The following MGAT4D variants were observed in gnomAD, a reference collection of about 807,000 sequenced individuals.
The protein encoded by MGAT4D is alpha-1,3-mannosyl-glycoprotein 4-beta-N-acetylglucosaminyltransferase-like protein MGAT4D.
Under a neutral mutation model 15.9 loss-of-function variants are expected in MGAT4D, and 34 were observed. The ratio of observed to expected loss-of-function variants is 2.14; its 90% CI spans 1.62 to 2.84. MGAT4D has a LOEUF of 2.84. Among genes scored for constraint, MGAT4D ranks in the 30% most tolerant of loss-of-function variants. The pLI is 0.00. For missense variants in MGAT4D, 327 were observed against 140.2 expected (o/e 2.33, Z -6.73); for synonymous variants, 112 against 48.2 (o/e 2.33, Z -5.49).
At chr4:140,446,892 T>C (rs1334203814) in intron 10 of MGAT4D, among the ~76,000 whole-genome samples, 1 of 151,762 alleles carries the variant, frequency 6.6e-6, no homozygotes, top group Non-Finnish European at 1.5e-5. Flanking sequence ...CCAGAAATTC[T>C]GGTATGTTTT....
At chr4:140,451,284 C>T (rs1730457560) in intron 10 of MGAT4D, 126 bp downstream of exon 10, 1 of 394,346 alleles carries the variant, frequency 2.5e-6, no homozygotes, top group African/African-American at 2.1e-5. Context: ...ACAGTACTGT[C>T]ATAAGATGAA....
chr4:140,471,205 C>T (rs948475191), intron 5 of MGAT4D, among the ~76,000 whole-genome samples: 1 of 151,902 alleles, frequency 6.6e-6, no homozygotes, highest in Non-Finnish European at 1.5e-5. Context: ...CTTTTCCTTT[C>T]GTTTCTCCTT....
At chr4:140,481,616 G>C (rs368910648) in intron 2 of MGAT4D, among the ~76,000 whole-genome samples, 2 of 152,112 alleles carry the variant, frequency 1.3e-5, no homozygotes, top group Admixed American at 1.3e-4. Flanking sequence ...TCGATACAAC[G>C]AAATGCTACT....
At chr4:140,471,045 C>T (rs1361687998) in intron 5 of MGAT4D, among the ~76,000 whole-genome samples, 1 of 151,920 alleles carries the variant, frequency 6.6e-6, no homozygotes, top group Non-Finnish European at 1.5e-5. Flanking sequence ...CCACCAGGCT[C>T]GGCTTAATTT....
chr4:140,447,766 T>C (rs1372277930), intron 10 of MGAT4D, among the ~76,000 whole-genome samples: 2 of 152,118 alleles, frequency 1.3e-5, no homozygotes, highest in Admixed American at 6.5e-5. Context: ...CTGGTTATTA[T>C]GCAAACCTGT....
At chr4:140,464,060 C>A (rs1025972284) in intron 6 of MGAT4D, among the ~76,000 whole-genome samples, 6 of 152,118 alleles carry the variant, frequency 3.9e-5, no homozygotes, top group African/African-American at 1.4e-4. Context: ...GAAGGAAAAA[C>A]AAAGATCCAG....
chr4:140,483,003 C>T (rs147583739), intron 1 of MGAT4D, among the ~76,000 whole-genome samples: 5 of 152,282 alleles, frequency 3.3e-5, no homozygotes, highest in African/African-American at 1.2e-4. Context: ...AAATAAATTA[C>T]AGAATATTCT....
intron 1 of MGAT4D, among the ~76,000 whole-genome samples, chr4:140,493,630 C>T (rs991068538): frequency 6.6e-6 from 1 of 152,088 alleles, no homozygotes; most frequent in East Asian, 1.9e-4. Flanking sequence ...TTTTATCATA[C>T]TTATGGATGT....
rs1369273447 is a variant in MGAT4D at position 140,451,527 on chromosome 4, A to T, written c.1009-10T>A. On this transcript the variant is annotated splice_polypyrimidine_tract_variant and intron_variant, in intron 9 of 10. Coordinates refer to ENST00000511113, the MANE Select transcript of MGAT4D (RefSeq NM_001277353.2). Reference sequence around the variant, plus strand: ...GTTTCATACAGTTTCTCTGGGGAAAAAGAAACAACAATCTTCTGTAAAAAC... The same window carrying T: ...GTTTCATACAGTTTCTCTGGGGAAATAGAAACAACAATCTTCTGTAAAAAC... 1.9e-6 allele frequency: 1 copy of T among 525,274 alleles called. No homozygotes were observed. The highest frequency in any genetic ancestry group is 3.5e-6 in the Non-Finnish European group (1 of 289,554). The allele number at this position is 525,274 out of a possible 1,614,324, so 32.5% of individuals were successfully genotyped here. A position where few individuals can be genotyped will look rare whatever the true frequency, so the allele number is the denominator to read the frequency against.
intron 10 of MGAT4D, among the ~76,000 whole-genome samples, chr4:140,447,308 T>C (rs1413870991): frequency 6.6e-6 from 1 of 152,182 alleles, no homozygotes; most frequent in Non-Finnish European, 1.5e-5. Context: ...CAGTGGGGTA[T>C]TAAAGTCTCC....
intron 5 of MGAT4D, among the ~76,000 whole-genome samples, chr4:140,468,590 G>A (rs1731704090): frequency 1.3e-5 from 2 of 152,098 alleles, no homozygotes; most frequent in Admixed American, 1.3e-4. Context: ...CTAAATAGTA[G>A]TTTATTGTTC....
intron 1 of MGAT4D, among the ~76,000 whole-genome samples, chr4:140,493,933 G>C (rs1220949604): frequency 6.6e-6 from 1 of 152,212 alleles, no homozygotes; most frequent in East Asian, 1.9e-4. Context: ...AGTGGCCAGA[G>C]GCAAGAGTAG....
At chr4:140,463,271 G>A (rs564479545) in intron 6 of MGAT4D, among the ~76,000 whole-genome samples, 28 of 152,306 alleles carry the variant, frequency 1.8e-4, no homozygotes, top group Admixed American at 4.6e-4. Context: ...GAACTGGGGA[G>A]GGGTCACAGG....
At chr4:140,481,197 T>A (rs1732701259) in intron 2 of MGAT4D, among the ~76,000 whole-genome samples, 1 of 151,340 alleles carries the variant, frequency 6.6e-6, no homozygotes, top group Non-Finnish European at 1.5e-5. Context: ...CCCAGCTACT[T>A]GGGAGACTGA....
chr4:140,460,964 C>G (rs1731134467), intron 7 of MGAT4D, among the ~76,000 whole-genome samples: 1 of 152,142 alleles, frequency 6.6e-6, no homozygotes, highest in Non-Finnish European at 1.5e-5. Flanking sequence ...AAAAAGCAAC[C>G]AGCACTCTCA....
rs533370050 is a variant in MGAT4D at position 140,475,258 on chromosome 4, T to C, written c.392-312A>G. Among the ~76,000 whole-genome samples, 6 of 152,198 alleles carry C rather than the reference T, an allele frequency of 3.9e-5. No individual in the cohort carries two copies. The East Asian group carries it at 1.2e-3, about 29-fold the overall frequency. The stretch of plus-strand genomic sequence containing the variant: ...CTTACTATAGGTTCATCTAACTGAG[T>C]ATAAAATGTCACATATTGGTCGATT... On this transcript the variant is annotated intron_variant, in intron 3 of 10. Transcript: ENST00000511113.
intron 10 of MGAT4D, among the ~76,000 whole-genome samples, chr4:140,450,451 GTTACATTTTCA>G (rs1382730227): frequency 6.6e-6 from 1 of 152,180 alleles, no homozygotes. Context: ...ATTCACAACA[GTTACATTTTCA>G]TTATTCCAGG....
intron 10 of MGAT4D, among the ~76,000 whole-genome samples, chr4:140,449,511 G>C (rs565459049): frequency 1.3e-5 from 2 of 152,142 alleles, no homozygotes; most frequent in African/African-American, 2.4e-5. Flanking sequence ...TGTAATCCCA[G>C]TGCTTTGGGA....
intron 1 of MGAT4D, among the ~76,000 whole-genome samples, chr4:140,497,535 A>AGT (rs935555957): frequency 6.6e-6 from 1 of 152,082 alleles, no homozygotes; most frequent in African/African-American, 2.4e-5. Context: ...TTGCATCTTG[A>AGT]GTGTGTGTGG....
Sources: allele counts gnomAD v4.1 joint callset (sites outside exome capture counted in the v4.1 genomes callset), GRCh38; gene constraint gnomAD v4.1.1; transcripts MANE v1.5; gene names NCBI Gene and HGNC (gene_info 2026-07-23, HGNC 2026-07-21).